CRTAP: variants seen among roughly 807,000 people sequenced by gnomAD.
CRTAP encodes the protein cartilage-associated protein.
CRTAP carries 33 observed loss-of-function variants against 42.7 expected under a neutral mutation model. That is an observed-to-expected ratio of 0.77 (90% CI 0.59 to 1.03). The LOEUF is 1.03. Ranked by LOEUF, CRTAP falls within the 50% of genes least tolerant of loss-of-function variation. The probability of loss-of-function intolerance (pLI) is 0.00; values close to 1 mark genes in which losing one functional copy is unlikely to be tolerated. For synonymous variants in CRTAP, 243 were observed against 217.7 expected, an observed-to-expected ratio of 1.12 and a Z score of -1.02; for missense variants, 613 against 533.9, an observed-to-expected ratio of 1.15 and a Z score of -1.46.
In CRTAP at chr3:33,132,562, C is replaced by T. The variant is rs762039541; in HGVS notation, c.930C>T (p.Asp310=). Residue 310 remains aspartate (D), a synonymous_variant, in exon 5 of 7, where the codon GAC becomes GAT. Coordinates refer to ENST00000320954, the MANE Select transcript of CRTAP (RefSeq NM_006371.5). ...YLQFAYYKLN[D]LKNAAPCAVS... ...TTTTCTTCCCAACCCTAGTGAACGA[C>T]CTGAAGAATGCAGCCCCCTGTGCAG... 4 of 1,614,082 alleles carry T rather than the reference C, an allele frequency of 2.5e-6. No individual in the cohort carries two copies. Among genetic ancestry groups the T allele is most frequent in the South Asian group, 1.1e-5 (1 of 91,092 alleles).
At chr3:33,123,324 G>A (rs1247722880) in intron 2 of CRTAP, among the ~76,000 whole-genome samples, 2 of 152,170 alleles carry the variant, frequency 1.3e-5, no homozygotes, top group African/African-American at 4.8e-5. Context: ...GTGGGGCCTG[G>A]TGGGAGGTGA....
At chr3:33,115,861 C>G (rs1407048511) in intron 1 of CRTAP, among the ~76,000 whole-genome samples, 1 of 151,132 alleles carries the variant, frequency 6.6e-6, no homozygotes, top group Non-Finnish European at 1.5e-5. Flanking sequence ...TACTTCTATA[C>G]TTCTATGCTT....
In CRTAP at chr3:33,124,440, C is replaced by A. The variant is rs144486582; in HGVS notation, c.654C>A (p.Asn218Lys). Residue 218 changes from asparagine (N) to lysine (K), a missense_variant, in exon 3 of 7, where the codon AAC becomes AAA. Coordinates refer to ENST00000320954, the MANE Select transcript of CRTAP (RefSeq NM_006371.5). ...TCATCCGAGCAGTGCGGGCATACAA[C>A]GGTGAGAACTGGAGAACATCCATCA... ...SLFIRAVRAY[N>K]GENWRTSITD... is the part of the protein sequence containing the mutation. 2 of 1,614,212 alleles carry A rather than the reference C, an allele frequency of 1.2e-6. No homozygotes were observed. The highest frequency in any genetic ancestry group is 1.7e-6 in the Non-Finnish European group (2 of 1,180,052).
intron 6 of CRTAP, among the ~76,000 whole-genome samples, chr3:33,139,017 G>A (rs778752130): frequency 4.6e-5 from 7 of 152,050 alleles, no homozygotes; most frequent in Non-Finnish European, 8.8e-5. Context: ...GGTGGCACAT[G>A]CCTGTAATCC....
At chr3:33,129,638 C>T (rs915056538) in intron 3 of CRTAP, among the ~76,000 whole-genome samples, 16 of 149,412 alleles carry the variant, frequency 1.1e-4, no homozygotes, top group East Asian at 7.9e-4. Context: ...TCCGGGTTCA[C>T]GCCATTCTTC....
At chr3:33,138,066 A>G (rs2030472277) in intron 6 of CRTAP, among the ~76,000 whole-genome samples, 1 of 152,154 alleles carries the variant, frequency 6.6e-6, no homozygotes, top group South Asian at 2.1e-4. Flanking sequence ...TTCTATCCTT[A>G]AAGTTAGTAC....
rs960380634 is a variant in CRTAP at position 33,114,416 on chromosome 3, G to C, written c.339G>C (p.Leu113=). Residue 113 remains leucine (L), a synonymous_variant, in exon 1 of 7, where the codon CTG becomes CTC. Transcript: ENST00000320954. Reference sequence around the variant, plus strand: ...AGCTGCGCCTCTTCGGGGGCCTGCTGCGCCGCGCGCACTGCCTCAAGCGCT... The same window carrying C: ...AGCTGCGCCTCTTCGGGGGCCTGCTCCGCCGCGCGCACTGCCTCAAGCGCT... ...YPELRLFGGL[L]RRAHCLKRCK... The C allele has an allele frequency of 1.1e-5, 17 of 1,550,120 alleles. No homozygotes were observed. The African/African-American group carries it at 2.2e-4, about 20-fold the overall frequency.
intron 2 of CRTAP, among the ~76,000 whole-genome samples, chr3:33,121,592 C>T (rs2029880490): frequency 6.6e-6 from 1 of 152,128 alleles, no homozygotes; most frequent in Non-Finnish European, 1.5e-5. Context: ...CCAGGGAAGA[C>T]TTCACCAGCC....
At chr3:33,122,044 C>T (rs561172330) in intron 2 of CRTAP, among the ~76,000 whole-genome samples, 2 of 152,292 alleles carry the variant, frequency 1.3e-5, no homozygotes, top group South Asian at 4.1e-4. Flanking sequence ...TTGTTGAAAT[C>T]TCATCTGCTG....
rs2030744227 is a variant in CRTAP at position 33,147,172 on chromosome 3, TTAAG to T, written c.*4729_*4732del. The T allele has an allele frequency of 6.5e-6, 1 of 152,784 alleles. No individual in the cohort carries two copies. Among genetic ancestry groups the T allele is most frequent in the Non-Finnish European group, 1.5e-5 (1 of 68,154 alleles). 9.5% of individuals were successfully genotyped at this position (152,784 alleles called of 1,614,324 possible). A position where few individuals can be genotyped will look rare whatever the true frequency, so the allele number is the denominator to read the frequency against. ...AGGAAAGAAAAAAAGGAAAGGAACC[TTAAG>T]TAAGCCTCAGCCAAAGGTTTTATGC... is the stretch of plus-strand genomic sequence containing the variant. On this transcript the variant is annotated 3_prime_UTR_variant, in exon 7 of 7. Transcript: ENST00000320954.
intron 2 of CRTAP, among the ~76,000 whole-genome samples, chr3:33,121,380 C>T (rs55665620): frequency 0.06 from 8,983 of 150,738 alleles, 825 homozygotes; most frequent in African/African-American, 0.2. Context: ...CCACTGCACT[C>T]CAGCCTGGGC....
chr3:33,114,398 C>T lies in CRTAP; in HGVS notation c.321C>T (p.Arg107=), dbSNP rs1338962226. 1.3e-6 allele frequency: 2 copies of T among 1,537,518 alleles called. No homozygotes were observed. The highest frequency in any genetic ancestry group is 1.9e-5 in the Admixed American group (1 of 51,416). ...GCCTCGCCAGCTATCCCGAGCTGCG[C>T]CTCTTCGGGGGCCTGCTGCGCCGCG... is the stretch of plus-strand genomic sequence containing the variant. ...AAGLASYPEL[R]LFGGLLRRAH... The change falls in exon 1 of 7, where the codon CGC becomes CGT. Residue 107 remains arginine (R), a synonymous_variant. Transcript: ENST00000320954.
In CRTAP at chr3:33,129,699, A is replaced by G. The variant is rs191559796; in HGVS notation, c.794-240A>G. The stretch of plus-strand genomic sequence containing the variant: ...ACCACAGGCGCCCACCACGACGCCC[A>G]GCTAATTTTTTGTATTTTTAGTGAG... On this transcript the variant is annotated intron_variant, in intron 3 of 6. Coordinates refer to ENST00000320954, the MANE Select transcript of CRTAP (RefSeq NM_006371.5). Among the ~76,000 whole-genome samples, 876 of 151,626 alleles carry G rather than the reference A, an allele frequency of 5.8e-3. 9 individuals are homozygous for G. The highest frequency in any genetic ancestry group is 0.019 in the African/African-American group (799 of 41,346).
At chr3:33,135,075 T>C (rs1378840879) in intron 6 of CRTAP, among the ~76,000 whole-genome samples, 1 of 152,256 alleles carries the variant, frequency 6.6e-6, no homozygotes, top group Admixed American at 6.5e-5. Context: ...ATCACTGGCA[T>C]TAAACAACTG....
intron 5 of CRTAP, 137 bp downstream of exon 5, chr3:33,132,837 T>G: frequency 9.6e-7 from 1 of 1,045,234 alleles, no homozygotes; most frequent in South Asian, 1.3e-5. Flanking sequence ...CCCAGCACTT[T>G]GGGAGGCCGA....
At chr3:33,115,466 T>C (rs1278519289) in intron 1 of CRTAP, 1 of 152,114 alleles carries the variant, frequency 6.6e-6, no homozygotes, top group East Asian at 1.9e-4. Context: ...TAGCCACAAA[T>C]TGCAGTTCTC....
In CRTAP at chr3:33,120,447, C is replaced by T. The variant is rs1258248330; in HGVS notation, c.575C>T (p.Pro192Leu). ...AACATGGCATATTATAAGAGCCTGC[C>T]TGGTGCCGAGGACTACATTAAAGAC... Reference protein sequence around the residue: ...KRNMAYYKSLPGAEDYIKDLE... With the variant: ...KRNMAYYKSLLGAEDYIKDLE... Residue 192 changes from proline (P) to leucine (L), a missense_variant, in exon 2 of 7, where the codon CCT (proline) becomes CTT (leucine). By Grantham distance (98) the Pro-to-Leu change is moderately conservative (BLOSUM62 -3). Coordinates refer to ENST00000320954, the MANE Select transcript of CRTAP (RefSeq NM_006371.5). 6.2e-7 allele frequency: 1 copy of T among 1,611,742 alleles called. No individual in the cohort carries two copies. Among genetic ancestry groups the T allele is most frequent in the Non-Finnish European group, 8.5e-7 (1 of 1,177,846 alleles).
chr3:33,130,457 T>A (rs2030220685), intron 4 of CRTAP, among the ~76,000 whole-genome samples: 1 of 152,100 alleles, frequency 6.6e-6, no homozygotes, highest in African/African-American at 2.4e-5. Context: ...TTCCTCCTTA[T>A]CACTAGCTTT....
At chr3:33,119,072 A>C (rs1195288197) in intron 1 of CRTAP, among the ~76,000 whole-genome samples, 1 of 152,190 alleles carries the variant, frequency 6.6e-6, no homozygotes, top group East Asian at 1.9e-4. Flanking sequence ...TTGTGAGTGC[A>C]GGCTTTTTTC....
Sources: gnomAD v4.1 joint callset for allele counts (sites outside exome capture counted in the v4.1 genomes callset) on GRCh38, gnomAD v4.1.1 for gene constraint, MANE v1.5 for transcripts, NCBI Gene and HGNC (gene_info 2026-07-23, HGNC 2026-07-21) for gene names.